The following STEEP1 variants were observed in gnomAD, a reference collection of about 807,000 sequenced individuals.
STEEP1 encodes STING1 ER exit protein 1.
Under a neutral mutation model 19.2 loss-of-function variants are expected in STEEP1, and 3 were observed. The observed-to-expected ratio is 0.16, with a 90% CI of 0.07 to 0.40. The LOEUF is 0.40. Among genes scored for constraint, STEEP1 ranks in the 10% least tolerant of loss-of-function variants. STEEP1 has a pLI of 0.99. For missense variants in STEEP1, 54 were observed against 177.1 expected (o/e 0.30, Z 3.94); for synonymous variants, 46 against 63.7 (o/e 0.72, Z 1.32).
Position 119,542,613 on chromosome X carries a change from A to G in STEEP1, c.424-19T>C. 8.7e-7 allele frequency: 1 copy of G among 1,146,378 alleles called. No homozygotes were observed. The highest frequency in any genetic ancestry group is 2.4e-4 in the Middle Eastern group (1 of 4,195). The allele number at this position is 1,146,378 out of a possible 1,213,427, so 94.5% of individuals were successfully genotyped here. On this transcript the variant is annotated intron_variant, in intron 4 of 6. Transcript: ENST00000644802. ...TCATCACCTGGAGTGGCAGGCAAGA[A>G]GAAGTCAGTCCGGTTCACCAAAACA...
chrX:119,561,705 T>C (rs1180190614), intron 1 of STEEP1, among the ~76,000 whole-genome samples: 1 of 110,750 alleles, frequency 9.0e-6, no homozygotes, highest in Non-Finnish European at 1.9e-5. Context: ...AGAAAATTTA[T>C]ATAATGCAAA....
intron 2 of STEEP1, among the ~76,000 whole-genome samples, chrX:119,555,108 CAAA>C (rs60756610): frequency 1.0e-3 from 94 of 93,448 alleles, no homozygotes; most frequent in Middle Eastern, 0.011. Flanking sequence ...GACCCTGCCT[CAAA>C]AAAAAAAAAA....
At chrX:119,560,138 G>A (rs2053310946) in intron 2 of STEEP1, 130 bp downstream of exon 2, 2 of 499,614 alleles carry the variant, frequency 4.0e-6, no homozygotes, top group South Asian at 3.2e-5. Flanking sequence ...ACAGAAGTTA[G>A]AAAACCACCA....
rs182879933 is a variant in STEEP1 at position 119,564,652 on chromosome X, G to C, written c.124+580C>G. Reference sequence around the variant, plus strand: ...AATGAACATTGATAACTGACCACTAGAACTGTTAACATGGAGCCAAATACG... The same window carrying C: ...AATGAACATTGATAACTGACCACTACAACTGTTAACATGGAGCCAAATACG... On this transcript the variant is annotated intron_variant, in intron 1 of 6. Transcript: ENST00000644802. Among the ~76,000 whole-genome samples the C allele has an allele frequency of 4.5e-5, 5 of 111,965 alleles. No homozygotes were observed. The Admixed American group carries it at 4.8e-4, about 11-fold the overall frequency.
chrX:119,557,155 C>CAAA lies in STEEP1; in HGVS notation c.242+3110_242+3112dup, dbSNP rs61087266. Among the ~76,000 whole-genome samples, 4 of 47,777 alleles carry CAAA rather than the reference C, an allele frequency of 8.4e-5. 1 individual carries two copies. Among genetic ancestry groups the CAAA allele is most frequent in the African/African-American group, 2.2e-4 (3 of 13,724 alleles). The allele number at this position is 47,777 out of a possible 115,157, so 41.5% of individuals were successfully genotyped here. ...TGGGTGACAGAGCGAGACTCTATCT[C>CAAA]AAAAAAAAAAAAAAAAAAGAAAAGA... On this transcript the variant is annotated intron_variant, in intron 2 of 6. Transcript: ENST00000644802.
intron 5 of STEEP1, 35 bp downstream of exon 5, chrX:119,542,470 C>T (rs1402845690): frequency 9.2e-7 from 1 of 1,081,493 alleles, no homozygotes; most frequent in East Asian, 3.0e-5. Context: ...CCCTTCTCCC[C>T]AAATTCCAGT....
At position 119,552,403 on chromosome X, in the gene STEEP1, G is replaced by A. The variant is rs993860576; in HGVS notation, c.243-6899C>T. Among the ~76,000 whole-genome samples the A allele has an allele frequency of 2.7e-5, 3 of 112,450 alleles. No individual in the cohort carries two copies. The Admixed American group carries it at 2.8e-4, about 11-fold the overall frequency. ...TTCCCACGACCCCCTCTTTGGGTTC[G>A]ATTACTTTGCTAGTGCAGCTCACAG... On this transcript the variant is annotated intron_variant, in intron 2 of 6. Coordinates refer to ENST00000644802, the MANE Select transcript of STEEP1 (RefSeq NM_022101.4).
At position 119,539,809 on chromosome X, in the gene STEEP1, A is replaced by G; in HGVS notation, c.607-20T>C. 6 of 1,134,761 alleles carry G rather than the reference A, an allele frequency of 5.3e-6. No individual in the cohort carries two copies. Among genetic ancestry groups the G allele is most frequent in the South Asian group, 1.8e-5 (1 of 54,521 alleles). 93.5% of individuals were successfully genotyped at this position (1,134,761 alleles called of 1,213,427 possible). On this transcript the variant is annotated intron_variant, in intron 6 of 6. Coordinates refer to ENST00000644802, the MANE Select transcript of STEEP1 (RefSeq NM_022101.4). ...TTCAGCCTAGAAAGAAAAAAAAAGC[A>G]TATGTCTTGATACATGACATGAAAT...
At chrX:119,557,460 T>C (rs1365289777) in intron 2 of STEEP1, among the ~76,000 whole-genome samples, 3 of 76,646 alleles carry the variant, frequency 3.9e-5, no homozygotes, top group Non-Finnish European at 6.9e-5. Context: ...TAGCCAGGCA[T>C]GGTAGCACAC....
At chrX:119,564,504 G>GA (rs1280591680) in intron 1 of STEEP1, among the ~76,000 whole-genome samples, 12 of 14,368 alleles carry the variant, frequency 8.4e-4, no homozygotes, top group African/African-American at 3.3e-3. Context: ...TGAAAAAAAA[G>GA]GGGGGGGGGA....
chrX:119,556,925 T>C (rs961537545), intron 2 of STEEP1, among the ~76,000 whole-genome samples: 10 of 109,566 alleles, frequency 9.1e-5, no homozygotes, highest in African/African-American at 3.3e-4. Context: ...ATCCAAAGGA[T>C]TGAGAAGGCC....
chrX:119,546,261 G>A (rs2053204278), intron 2 of STEEP1, among the ~76,000 whole-genome samples: 1 of 108,833 alleles, frequency 9.2e-6, no homozygotes, highest in African/African-American at 3.4e-5. Flanking sequence ...GCCAACATGG[G>A]GAAACTCCGT....
intron 2 of STEEP1, among the ~76,000 whole-genome samples, chrX:119,557,993 T>C (rs1344420324): frequency 9.0e-6 from 1 of 110,932 alleles, no homozygotes; most frequent in Non-Finnish European, 1.9e-5. Flanking sequence ...CTGCAACCTC[T>C]GCCTCCCCAT....
chrX:119,538,911 C>T lies in STEEP1; in HGVS notation c.*816G>A, dbSNP rs1329684070. 9.0e-6 allele frequency: 1 copy of T among 111,588 alleles called. No homozygotes were observed. Among genetic ancestry groups the T allele is most frequent in the East Asian group, 2.8e-4 (1 of 3,567 alleles). 9.2% of individuals were successfully genotyped at this position (111,588 alleles called of 1,213,427 possible). On this transcript the variant is annotated 3_prime_UTR_variant, in exon 7 of 7. Coordinates refer to ENST00000644802, the MANE Select transcript of STEEP1 (RefSeq NM_022101.4). ...GATTCTGGCTTTTAATGGGTCTCCTCTGACAGTAGAAAGATTCAAACCACA... is the reference window on the plus strand; with the variant it reads ...GATTCTGGCTTTTAATGGGTCTCCTTTGACAGTAGAAAGATTCAAACCACA...
At chrX:119,555,940 G>T (rs2053275735) in intron 2 of STEEP1, among the ~76,000 whole-genome samples, 1 of 111,580 alleles carries the variant, frequency 9.0e-6, no homozygotes, top group Non-Finnish European at 1.9e-5. Flanking sequence ...TAGTAATAGA[G>T]ACCTGACTGC....
chrX:119,562,044 A>C (rs34022706), intron 1 of STEEP1, among the ~76,000 whole-genome samples: 8,139 of 112,362 alleles, frequency 0.072, 357 homozygotes, highest in African/African-American at 0.16. Context: ...AGGGCCCTCT[A>C]GGTAGCAGGC....
At chrX:119,552,196 C>T (rs979987093) in intron 2 of STEEP1, among the ~76,000 whole-genome samples, 1 of 111,222 alleles carries the variant, frequency 9.0e-6, no homozygotes, top group African/African-American at 3.3e-5. Flanking sequence ...CCTGGCTGCC[C>T]GGCTAATTTT....
At chrX:119,551,074 G>T (rs1486617968) in intron 2 of STEEP1, among the ~76,000 whole-genome samples, 2 of 111,977 alleles carry the variant, frequency 1.8e-5, no homozygotes, top group Admixed American at 1.9e-4. Flanking sequence ...AAAAAAGTGA[G>T]AAAACAATTC....
chrX:119,553,110 C>T (rs917139309), intron 2 of STEEP1, among the ~76,000 whole-genome samples: 8 of 103,649 alleles, frequency 7.7e-5, no homozygotes, highest in African/African-American at 2.8e-4. Flanking sequence ...ACGGAGATCG[C>T]GCCGTTGCAC....
Sources: gnomAD v4.1 joint callset for allele counts (sites outside exome capture counted in the v4.1 genomes callset) on GRCh38, gnomAD v4.1.1 for gene constraint, MANE v1.5 for transcripts, NCBI Gene and HGNC (gene_info 2026-07-23, HGNC 2026-07-21) for gene names.